PSG9: variants seen among roughly 807,000 people sequenced by gnomAD.
PSG9 encodes pregnancy specific beta-1-glycoprotein 9, also known as pregnancy-specific beta-1-glycoprotein 9.
Under a neutral mutation model 41.9 loss-of-function variants are expected in PSG9, and 49 were observed. That is an observed-to-expected ratio of 1.17 (90% CI 0.93 to 1.48). The LOEUF (loss-of-function observed/expected upper bound fraction) is 1.48. Ranked by LOEUF, PSG9 falls within the 40% of genes most tolerant of loss-of-function variation. PSG9 has a pLI of 0.00. For missense variants in PSG9, 641 were observed against 520.3 expected (o/e 1.23, Z -2.26); for synonymous variants, 263 against 196.8 (o/e 1.34, Z -2.82).
rs965090406 is a variant in PSG9 at position 43,261,720 on chromosome 19, G to A, written c.709+140C>T. ...GCCTAGGCCTACTCTGGTTTGCTTGGGGCAGAAAGTCATGGCCAGCTTTGA... is the reference window on the plus strand; with the variant it reads ...GCCTAGGCCTACTCTGGTTTGCTTGAGGCAGAAAGTCATGGCCAGCTTTGA... On this transcript the variant is annotated intron_variant, in intron 3 of 5. Transcript: ENST00000270077. 35 of 1,597,606 alleles carry A rather than the reference G, an allele frequency of 2.2e-5. 1 individual carries two copies. Among genetic ancestry groups the A allele is most frequent in the Non-Finnish European group, 3.0e-5 (35 of 1,167,542 alleles).
rs185059253 is a variant in PSG9, at chr19:43,266,636, G to A, written c.430+1148C>T. 7.9e-5 allele frequency among the ~76,000 whole-genome samples: 12 copies of A among 152,246 alleles called. No homozygotes were observed. The East Asian group carries it at 2.3e-3, about 29-fold the overall frequency. ...TCTGATGGTTGAGGCAGGTGATTTAGTTCTGGAATACAGACTAATCAGCTG... is the reference window on the plus strand; with the variant it reads ...TCTGATGGTTGAGGCAGGTGATTTAATTCTGGAATACAGACTAATCAGCTG... On this transcript the variant is annotated intron_variant, in intron 2 of 5. Coordinates refer to ENST00000270077, the MANE Select transcript of PSG9 (RefSeq NM_002784.5).
chr19:43,259,171 G>T, intron 3 of PSG9, 36 bp from the exon 4 acceptor site: 1 of 1,579,884 alleles, frequency 6.3e-7, no homozygotes, highest in Non-Finnish European at 8.6e-7. Context: ...GTCCTGTGTG[G>T]CACCTTTGAT....
At position 43,254,224 on chromosome 19, in the gene PSG9, T is replaced by C. The variant is rs113311570; in HGVS notation, c.1244-578A>G. 5.4e-3 allele frequency among the ~76,000 whole-genome samples: 786 copies of C among 146,408 alleles called. 119 individuals are homozygous for C. The highest frequency in any genetic ancestry group is 0.02 in the African/African-American group (768 of 38,534). On this transcript the variant is annotated intron_variant, in intron 5 of 5. Coordinates refer to ENST00000270077, the MANE Select transcript of PSG9 (RefSeq NM_002784.5). ...CACAATAACCCTGTCACATAGACAT[T>C]ATTTCCATTTTGCCGATGAAAAGAC...
At chr19:43,255,975 G>A (rs958385072) in intron 5 of PSG9, among the ~76,000 whole-genome samples, 1 of 146,334 alleles carries the variant, frequency 6.8e-6, no homozygotes, top group African/African-American at 2.6e-5. Flanking sequence ...ATTCTCAGTG[G>A]CATTTTTGCA....
rs3180651 is a variant in PSG9 at position 43,258,881 on chromosome 19, T to A, written c.964A>T (p.Asn322Tyr). 56,468 of 1,539,236 alleles carry A rather than the reference T, an allele frequency of 0.037. 6,542 individuals are homozygous for A. Among genetic ancestry groups the A allele is most frequent in the Admixed American group, 0.087 (5,051 of 58,044 alleles). ...IRDRYGGLRS[N>Y]PVILNVLYGP... ...CAGAGGACATTTAGGATGACTGGGT[T>A]ACTGCGGAGGCCACCATATCGGTCC... Residue 322 changes from asparagine (N) to tyrosine (Y), a missense_variant, in exon 4 of 6, where the codon AAC (asparagine) becomes TAC (tyrosine). Asn to Tyr is a moderately radical substitution (Grantham distance 143, BLOSUM62 -2). Transcript: ENST00000270077.
At chr19:43,264,134 G>T (rs983393933) in intron 2 of PSG9, among the ~76,000 whole-genome samples, 2 of 152,010 alleles carry the variant, frequency 1.3e-5, no homozygotes, top group African/African-American at 4.8e-5. Flanking sequence ...GGAAATAGTT[G>T]TATGAGACAC....
chr19:43,268,454 C>T (rs1037710681), intron 1 of PSG9, among the ~76,000 whole-genome samples: 8 of 152,148 alleles, frequency 5.3e-5, no homozygotes, highest in African/African-American at 1.9e-4. Context: ...CCACACTGCC[C>T]TCAGGTCCTG....
chr19:43,254,575 T>C (rs1184422852), intron 5 of PSG9, among the ~76,000 whole-genome samples: 2 of 145,938 alleles, frequency 1.4e-5, no homozygotes, highest in Non-Finnish European at 3.0e-5. Flanking sequence ...CCTACTTTAA[T>C]ACTTCAGGAT....
At position 43,261,927 on chromosome 19, in the gene PSG9, G is replaced by C; in HGVS notation, c.642C>G (p.Pro214=). Residue 214 remains proline (P), a synonymous_variant, in exon 3 of 6, where the codon CCC becomes CCG. Coordinates refer to ENST00000270077, the MANE Select transcript of PSG9 (RefSeq NM_002784.5). The part of the protein sequence containing the change: ...LFGVTKYIAG[P]YECEIRNPVS... ...CTGGGTTCCGTATTTCACATTCATA[G>C]GGTCCTGCAATATACTTTGTGACAC... 4 of 1,614,054 alleles carry C rather than the reference G, an allele frequency of 2.5e-6. No homozygotes were observed. The highest frequency in any genetic ancestry group is 3.4e-6 in the Non-Finnish European group (4 of 1,179,942).
At chr19:43,253,933 C>T (rs1599811544) in intron 5 of PSG9, among the ~76,000 whole-genome samples, 1 of 146,204 alleles carries the variant, frequency 6.8e-6, no homozygotes, top group Non-Finnish European at 1.5e-5. Context: ...GCTCCACATT[C>T]CCTCACAGGT....
chr19:43,265,386 T>C (rs2122550296), intron 2 of PSG9, among the ~76,000 whole-genome samples: 1 of 152,258 alleles, frequency 6.6e-6, no homozygotes, highest in Non-Finnish European at 1.5e-5. Context: ...TCTTTTGAGA[T>C]GTTTCTCATT....
chr19:43,258,566 C>A lies in PSG9; in HGVS notation c.989-110G>T, dbSNP rs540902941. The stretch of plus-strand genomic sequence containing the variant: ...CTGAGCCAAGACACACCCTCAAGTC[C>A]CAGCCAAAGTCCCTCTATGTTCACT... On this transcript the variant is annotated intron_variant, in intron 4 of 5. Transcript: ENST00000270077. 2.1e-6 allele frequency: 3 copies of A among 1,424,628 alleles called. 1 individual carries two copies. Among genetic ancestry groups the A allele is most frequent in the African/African-American group, 3.4e-5 (2 of 59,674 alleles). The allele number at this position is 1,424,628 out of a possible 1,614,324, so 88.2% of individuals were successfully genotyped here.
intron 5 of PSG9, 66 bp downstream of exon 5, chr19:43,258,135 CT>C: frequency 6.3e-7 from 1 of 1,591,352 alleles, no homozygotes; most frequent in Non-Finnish European, 8.5e-7. Context: ...GTTTTCCTGA[CT>C]CTTCTCTGAA....
At chr19:43,266,507 C>T (rs1266408884) in intron 2 of PSG9, among the ~76,000 whole-genome samples, 4 of 152,016 alleles carry the variant, frequency 2.6e-5, no homozygotes, top group Non-Finnish European at 4.4e-5. Context: ...CTCCTTGATC[C>T]TCTCATGACA....
chr19:43,265,925 G>A (rs1464335927), intron 2 of PSG9, among the ~76,000 whole-genome samples: 8 of 152,110 alleles, frequency 5.3e-5, no homozygotes, highest in South Asian at 2.1e-4. Flanking sequence ...TGATTTCTGT[G>A]CCTTTCCTAT....
chr19:43,255,528 G>T (rs1968416123), intron 5 of PSG9, among the ~76,000 whole-genome samples: 1 of 145,700 alleles, frequency 6.9e-6, no homozygotes. Flanking sequence ...GGCAAGAATT[G>T]AAAAAAAGAC....
At chr19:43,259,242 C>T in intron 3 of PSG9, 107 bp from the exon 4 acceptor site, 3 of 1,486,846 alleles carry the variant, frequency 2.0e-6, no homozygotes, top group Admixed American at 4.0e-5. Flanking sequence ...CACCCGAGTC[C>T]TTGAAAGCCA....
chr19:43,266,421 G>A (rs1039606445), intron 2 of PSG9, among the ~76,000 whole-genome samples: 1 of 151,912 alleles, frequency 6.6e-6, no homozygotes, highest in African/African-American at 2.4e-5. Flanking sequence ...TTCATTATGT[G>A]AGAGCTCCTG....
chr19:43,268,290 A>G (rs1299792811), intron 1 of PSG9, 141 bp from the exon 2 acceptor site: 4 of 1,316,566 alleles, frequency 3.0e-6, no homozygotes, highest in Admixed American at 2.4e-5. Context: ...ACACACACAA[A>G]AAACGGGCAT....
Sources: gnomAD v4.1 joint callset for allele counts (sites outside exome capture counted in the v4.1 genomes callset) on GRCh38, gnomAD v4.1.1 for gene constraint, MANE v1.5 for transcripts, NCBI Gene and HGNC (gene_info 2026-07-23, HGNC 2026-07-21) for gene names.